Variants in AGT observed in about 807,000 individuals in gnomAD.
AGT encodes angiotensinogen, also known as alpha-1 antiproteinase, antitrypsin.
A neutral mutation model predicts 28.1 loss-of-function variants in AGT; 26 were observed. The observed-to-expected ratio is 0.92, with a 90% confidence interval of 0.68 to 1.28. The LOEUF (loss-of-function observed/expected upper bound fraction) is 1.28. Among genes scored for constraint, AGT ranks in the 50% most tolerant of loss-of-function variants. AGT has a pLI of 0.00. For synonymous variants in AGT, 259 were observed against 259.6 expected (o/e 1.00, Z 0.02); for missense variants, 596 against 592.3 (o/e 1.01, Z -0.06).
intron 1 of AGT, among the ~76,000 whole-genome samples, chr1:230,729,155 C>T (rs1456171232): frequency 6.6e-6 from 1 of 152,178 alleles, no homozygotes; most frequent in East Asian, 1.9e-4. Context: ...CCACCATCTG[C>T]CATGCAGGGC....
At chr1:230,722,274 G>C (rs1370542206) in intron 1 of AGT, among the ~76,000 whole-genome samples, 1 of 152,248 alleles carries the variant, frequency 6.6e-6, no homozygotes, top group Non-Finnish European at 1.5e-5. Flanking sequence ...CTAGATTTCA[G>C]AGTATGTATG....
chr1:230,721,000 T>C (rs535643447), intron 1 of AGT, among the ~76,000 whole-genome samples: 51 of 152,326 alleles, frequency 3.3e-4, no homozygotes, highest in Non-Finnish European at 6.8e-4. Flanking sequence ...GGGGGGCCGA[T>C]TGGGTGAGGC....
At chr1:230,720,072 G>T (rs1183790596) in intron 1 of AGT, among the ~76,000 whole-genome samples, 1 of 152,090 alleles carries the variant, frequency 6.6e-6, no homozygotes, top group Admixed American at 6.6e-5. Context: ...GGAAAGGGGA[G>T]GCCTAGAAAA....
intron 1 of AGT, among the ~76,000 whole-genome samples, chr1:230,730,343 G>A (rs1156264915): frequency 6.6e-6 from 1 of 152,016 alleles, no homozygotes; most frequent in Admixed American, 6.6e-5. Flanking sequence ...CAAACTGCTG[G>A]GATTTCAGGC....
At chr1:230,724,488 G>A (rs1663901009) in intron 1 of AGT, among the ~76,000 whole-genome samples, 2 of 152,096 alleles carry the variant, frequency 1.3e-5, no homozygotes. Context: ...GAATATTATA[G>A]GTAGAAATAG....
chr1:230,707,565 T>C (rs1259559291), intron 2 of AGT, among the ~76,000 whole-genome samples: 1 of 152,048 alleles, frequency 6.6e-6, no homozygotes, highest in Non-Finnish European at 1.5e-5. Flanking sequence ...ATATTTCTCG[T>C]CCTCAGTCCT....
rs145848222 is a variant in AGT at position 230,726,656 on chromosome 1, G to A, written c.-30-15803C>T. 2.0e-5 allele frequency among the ~76,000 whole-genome samples: 3 copies of A among 152,200 alleles called. No individual in the cohort carries two copies. The East Asian group carries it at 5.8e-4, about 29-fold the overall frequency. On this transcript the variant is annotated intron_variant, in intron 1 of 4. Transcript: ENST00000681269. The stretch of plus-strand genomic sequence containing the variant: ...TCATTACATCCTTAATCAATAGTAG[G>A]GAGTCTAATGGGTGAATGAATCTCT...
Position 230,726,585 on chromosome 1 carries a change from A to T in AGT, c.-30-15732T>A, listed in dbSNP as rs1051584678. Among the ~76,000 whole-genome samples the T allele has an allele frequency of 2.0e-5, 3 of 151,628 alleles. No individual in the cohort carries two copies. In the East Asian group the frequency reaches 5.8e-4, roughly 29 times the overall value. ...TATTTGGCTTGCATTTACTATGTTT[A>T]AAAAAAAACATAGTAAGCATAGCTT... On this transcript the variant is annotated intron_variant, in intron 1 of 4. Coordinates refer to the AGT transcript ENST00000681269.
intron 1 of AGT, among the ~76,000 whole-genome samples, chr1:230,734,085 TG>T (rs1201311384): frequency 6.6e-6 from 1 of 152,152 alleles, no homozygotes; most frequent in Non-Finnish European, 1.5e-5. Flanking sequence ...TGGCACATAC[TG>T]GAGTTTGTGT....
chr1:230,722,791 G>T (rs1216618730), intron 1 of AGT, among the ~76,000 whole-genome samples: 18 of 152,174 alleles, frequency 1.2e-4, no homozygotes, highest in African/African-American at 3.4e-4. Context: ...GATTTTACAG[G>T]CTCCTAGGCA....
At chr1:230,726,581 G>A (rs1262385492) in intron 1 of AGT, among the ~76,000 whole-genome samples, 2 of 151,754 alleles carry the variant, frequency 1.3e-5, no homozygotes, top group Non-Finnish European at 2.9e-5. Flanking sequence ...CATTTACTAT[G>A]TTTAAAAAAA....
At chr1:230,716,740 C>G (rs1008960257), upstream of AGT, among the ~76,000 whole-genome samples, 3 of 152,158 alleles carry the variant, frequency 2.0e-5, no homozygotes, top group Non-Finnish European at 4.4e-5. Context: ...ACGTGGAACA[C>G]ATAAGTCCAT....
At chr1:230,730,653 G>A (rs1279639303) in intron 1 of AGT, among the ~76,000 whole-genome samples, 1 of 152,158 alleles carries the variant, frequency 6.6e-6, no homozygotes, top group Admixed American at 6.5e-5. Flanking sequence ...TCTCTTAGCA[G>A]ATTGCTTGTG....
chr1:230,733,431 T>TA (rs1664101414), intron 1 of AGT, among the ~76,000 whole-genome samples: 2 of 152,188 alleles, frequency 1.3e-5, no homozygotes, highest in South Asian at 4.1e-4. Context: ...AGGGCGATGC[T>TA]TATGAAAGCA....
At chr1:230,712,416 T>C (rs925348791) in intron 1 of AGT, among the ~76,000 whole-genome samples, 2 of 152,152 alleles carry the variant, frequency 1.3e-5, no homozygotes, top group Admixed American at 6.5e-5. Flanking sequence ...CCACTCCCCA[T>C]GCATTTGACT....
At chr1:230,721,361 T>C (rs1457101552) in intron 1 of AGT, among the ~76,000 whole-genome samples, 1 of 152,166 alleles carries the variant, frequency 6.6e-6, no homozygotes, top group Non-Finnish European at 1.5e-5. Context: ...AACACCTGGG[T>C]TTTTGCTTGG....
chr1:230,704,926 C>A (rs1242345029), intron 3 of AGT, among the ~76,000 whole-genome samples: 1 of 152,172 alleles, frequency 6.6e-6, no homozygotes, highest in Non-Finnish European at 1.5e-5. Flanking sequence ...CACAGCAGCT[C>A]AAAGGTGGAA....
intron 1 of AGT, among the ~76,000 whole-genome samples, chr1:230,742,696 G>T (rs1352885059): frequency 6.6e-6 from 1 of 152,144 alleles, no homozygotes; most frequent in Non-Finnish European, 1.5e-5. Context: ...CCGTTTTATG[G>T]CTGTACACTG....
chr1:230,707,293 T>C (rs921578747), intron 2 of AGT, among the ~76,000 whole-genome samples: 5 of 152,244 alleles, frequency 3.3e-5, no homozygotes, highest in African/African-American at 1.2e-4. Context: ...CCACTCATCC[T>C]GAAAGGCCTA....
Sources: allele counts gnomAD v4.1 joint callset (sites outside exome capture counted in the v4.1 genomes callset), GRCh38; gene constraint gnomAD v4.1.1; transcripts MANE v1.5; gene names NCBI Gene and HGNC (gene_info 2026-07-23, HGNC 2026-07-21).